Variants in ZGRF1 observed in about 807,000 individuals in gnomAD.
ZGRF1 encodes 5'-3' DNA helicase ZGRF1.
Under a neutral mutation model 203.5 loss-of-function variants are expected in ZGRF1, and 196 were observed. The ratio of observed to expected loss-of-function variants is 0.96; its 90% CI spans 0.86 to 1.08. The LOEUF (loss-of-function observed/expected upper bound fraction) is 1.08, where lower values mean the gene tolerates loss of function less well. Ranked by LOEUF, ZGRF1 falls within the 50% of genes least tolerant of loss-of-function variation. ZGRF1 has a pLI of 0.00. For synonymous variants in ZGRF1, 809 were observed against 841.3 expected, an observed-to-expected ratio of 0.96 and a Z score of 0.66; for missense variants, 2,326 against 2,416.3, an observed-to-expected ratio of 0.96 and a Z score of 0.78.
At chr4:112,597,210 T>C (rs529522158) in intron 10 of ZGRF1, among the ~76,000 whole-genome samples, 66 of 109,104 alleles carry the variant, frequency 6.0e-4, no homozygotes, top group African/African-American at 2.3e-3. Context: ...CCAAACTCCA[T>C]CTAAAAAAAA....
chr4:112,615,083 G>A (rs1050722478), intron 6 of ZGRF1, among the ~76,000 whole-genome samples: 1 of 152,140 alleles, frequency 6.6e-6, no homozygotes, highest in African/African-American at 2.4e-5. Flanking sequence ...CAGGCTTGCA[G>A]GAACCTAACC....
intron 4 of ZGRF1, among the ~76,000 whole-genome samples, chr4:112,622,891 C>T (rs866604638): frequency 2.6e-5 from 4 of 152,116 alleles, no homozygotes; most frequent in South Asian, 2.1e-4. Context: ...CGTGTCATGG[C>T]GGTTTATTAT....
At chr4:112,595,951 T>C (rs1254908079) in intron 10 of ZGRF1, among the ~76,000 whole-genome samples, 1 of 152,232 alleles carries the variant, frequency 6.6e-6, no homozygotes, top group Non-Finnish European at 1.5e-5. Flanking sequence ...CAGAGATTGC[T>C]ACATGCAAGC....
chr4:112,556,299 G>T (rs1740933023), intron 20 of ZGRF1, among the ~76,000 whole-genome samples: 1 of 152,082 alleles, frequency 6.6e-6, no homozygotes, highest in Non-Finnish European at 1.5e-5. Flanking sequence ...AATTCATACT[G>T]GCAAGAATTT....
chr4:112,584,005 A>G lies in ZGRF1; in HGVS notation c.4271T>C (p.Leu1424Pro). The G allele has an allele frequency of 6.2e-7, 1 of 1,606,898 alleles. No homozygotes were observed. The highest frequency in any genetic ancestry group is 8.5e-7 in the Non-Finnish European group (1 of 1,177,910). ...GLYLRSQKIP[L>P]YEECQLLVRK... ...CACCAAAAGCTGGCATTCCTCATAA[A>G]GTGGTATCTTTTGACTTCTTAAATA... The change falls in exon 15 of 28, where the codon CTT (leucine) becomes CCT (proline). Residue 1424 changes from leucine to proline, a missense_variant. Transcript: ENST00000505019.
chr4:112,545,805 T>C lies in ZGRF1; in HGVS notation c.5598+1480A>G, dbSNP rs1373589786. Among the ~76,000 whole-genome samples the C allele has an allele frequency of 6.6e-5, 10 of 152,208 alleles. No individual in the cohort carries two copies. In the South Asian group the frequency reaches 2.1e-3, roughly 32 times the overall value. ...TATAAAGAAATGAAATTCTGATACA[T>C]GCTACAAGGATGAACTCTAAACACA... On this transcript the variant is annotated intron_variant, in intron 24 of 27. Coordinates refer to ENST00000505019, the MANE Select transcript of ZGRF1 (RefSeq NM_018392.5).
chr4:112,552,930 A>G (rs1740230046), intron 22 of ZGRF1, among the ~76,000 whole-genome samples: 1 of 152,224 alleles, frequency 6.6e-6, no homozygotes, highest in Non-Finnish European at 1.5e-5. Context: ...CACTTCTGCC[A>G]TCTGTTAGAA....
At chr4:112,555,316 C>T (rs115163758) in intron 20 of ZGRF1, among the ~76,000 whole-genome samples, 180 of 152,200 alleles carry the variant, frequency 1.2e-3, no homozygotes, top group Non-Finnish European at 2.4e-3. Context: ...GGAAGGACCC[C>T]TCACCTACAC....
At chr4:112,619,978 A>G (rs1351178479) in intron 5 of ZGRF1, 24 bp downstream of exon 5, 2 of 1,520,414 alleles carry the variant, frequency 1.3e-6, no homozygotes, top group East Asian at 2.3e-5. Flanking sequence ...ATTTTGATAT[A>G]TTATTTTCCA....
chr4:112,593,016 T>C (rs1310922241), intron 10 of ZGRF1, among the ~76,000 whole-genome samples: 1 of 152,210 alleles, frequency 6.6e-6, no homozygotes, highest in Non-Finnish European at 1.5e-5. Context: ...GGCAGCTATC[T>C]GTAAGCCATG....
intron 10 of ZGRF1, 105 bp downstream of exon 10, chr4:112,603,419 C>G: frequency 1.5e-6 from 1 of 671,420 alleles, no homozygotes; most frequent in Non-Finnish European, 2.4e-6. Flanking sequence ...TTACTGTACT[C>G]CTTTTTAACT....
At chr4:112,551,679 C>A (rs1273680025) in intron 22 of ZGRF1, among the ~76,000 whole-genome samples, 1 of 152,068 alleles carries the variant, frequency 6.6e-6, no homozygotes, top group African/African-American at 2.4e-5. Flanking sequence ...AATGATCAAG[C>A]TTTGGTGCCA....
At chr4:112,616,821 G>A in intron 6 of ZGRF1, among the ~76,000 whole-genome samples, 1 of 131,748 alleles carries the variant, frequency 7.6e-6, no homozygotes. Flanking sequence ...TGGACGACAA[G>A]AGTGAAACTG....
At chr4:112,587,968 T>C (rs1002731083) in intron 11 of ZGRF1, 39 bp from the exon 12 acceptor site, 9 of 1,448,510 alleles carry the variant, frequency 6.2e-6, no homozygotes, top group African/African-American at 1.4e-5. Flanking sequence ...AAAAATGTTC[T>C]ACTAGTTATC....
chr4:112,587,871 A>C lies in ZGRF1; in HGVS notation c.3186T>G (p.Ser1062Arg). ...AAGTAATAAGTGGAACCTGGGTTCT[A>C]CTTAATAATGAAAGCCTTTGAAGGT... Reference protein sequence around the residue: ...NENLQRLSLLSRTQVPLITLP... With the variant: ...NENLQRLSLLRRTQVPLITLP... The change falls in exon 12 of 28, where the codon AGT (serine) becomes AGG (arginine). Residue 1062 changes from serine to arginine, a missense_variant. Coordinates refer to ENST00000505019, the MANE Select transcript of ZGRF1 (RefSeq NM_018392.5). 1 of 1,550,020 alleles carries C rather than the reference A, an allele frequency of 6.5e-7. No individual in the cohort carries two copies.
At chr4:112,557,659 A>G (rs1312301520) in intron 20 of ZGRF1, among the ~76,000 whole-genome samples, 1 of 152,198 alleles carries the variant, frequency 6.6e-6, no homozygotes, top group Non-Finnish European at 1.5e-5. Flanking sequence ...TGGGTTGAGG[A>G]GTAGGGCAAG....
intron 16 of ZGRF1, among the ~76,000 whole-genome samples, chr4:112,580,595 A>G (rs1244179875): frequency 6.6e-6 from 1 of 152,014 alleles, no homozygotes; most frequent in East Asian, 1.9e-4. Flanking sequence ...AAAACAAACA[A>G]CCCCATCAAA....
At chr4:112,539,793 A>AC in intron 27 of ZGRF1, 70 bp downstream of exon 27, 1 of 1,571,396 alleles carries the variant, frequency 6.4e-7, no homozygotes, top group Non-Finnish European at 8.7e-7. Flanking sequence ...TGCTTGAAGC[A>AC]CCCCAAGCAT....
In ZGRF1 at chr4:112,558,229, G is replaced by T; in HGVS notation, c.5041C>A (p.Pro1681Thr). The change falls in exon 20 of 28, where the codon CCC becomes ACC. Residue 1681 changes from proline (P) to threonine (T), a missense_variant. Transcript: ENST00000505019. ...FVQLFEKSEA[P>T]TIGNARPWKL... Reference sequence around the variant, plus strand: ...CACGGCCTTGCATTTCCAATGGTGGGAGCTTCACTCTTTTCAAACAGCTGT... The same window carrying T: ...CACGGCCTTGCATTTCCAATGGTGGTAGCTTCACTCTTTTCAAACAGCTGT... The T allele has an allele frequency of 1.9e-6, 3 of 1,605,244 alleles. No individual in the cohort carries two copies. The highest frequency in any genetic ancestry group is 2.6e-6 in the Non-Finnish European group (3 of 1,176,440).
Sources: allele counts gnomAD v4.1 joint callset (sites outside exome capture counted in the v4.1 genomes callset), GRCh38; gene constraint gnomAD v4.1.1; transcripts MANE v1.5; gene names NCBI Gene and HGNC (gene_info 2026-07-23, HGNC 2026-07-21).